Variants in IFT88 observed in about 807,000 individuals in gnomAD.
IFT88 encodes the protein intraflagellar transport 88, also known as intraflagellar transport protein 88 homolog.
A neutral mutation model predicts 119.5 loss-of-function variants in IFT88; 74 were observed. The observed-to-expected ratio is 0.62, with a 90% CI of 0.51 to 0.75. IFT88 has a LOEUF of 0.75. IFT88 is among the 30% of genes least tolerant of loss of function. IFT88 has a pLI of 0.00. For synonymous variants in IFT88, 279 were observed against 316.7 expected (o/e 0.88, Z 1.26); for missense variants, 961 against 977.7 (o/e 0.98, Z 0.23).
intron 20 of IFT88, among the ~76,000 whole-genome samples, chr13:20,647,053 C>T (rs2050865886): frequency 1.3e-5 from 2 of 152,252 alleles, no homozygotes; most frequent in African/African-American, 4.8e-5. Flanking sequence ...GTATTTCTCT[C>T]CCTCCTGTTT....
chr13:20,633,309 T>C (rs570627120), intron 16 of IFT88, among the ~76,000 whole-genome samples: 30 of 152,234 alleles, frequency 2.0e-4, no homozygotes, highest in South Asian at 1.4e-3. Context: ...AAGCACCTTC[T>C]TCACAAGGAG....
chr13:20,659,269 G>A (rs1000583115), intron 22 of IFT88, among the ~76,000 whole-genome samples: 1 of 152,146 alleles, frequency 6.6e-6, no homozygotes, highest in Admixed American at 6.5e-5. Flanking sequence ...CAAGGCCGGA[G>A]GATTGCTTGA....
chr13:20,672,341 A>G (rs781252230), intron 24 of IFT88, among the ~76,000 whole-genome samples: 48 of 152,160 alleles, frequency 3.2e-4, no homozygotes, highest in Non-Finnish European at 5.1e-4. Flanking sequence ...TTCAGGAGCC[A>G]TTACCCAGAG....
chr13:20,599,625 A>G, intron 11 of IFT88, 60 bp downstream of exon 11: 1 of 749,404 alleles, frequency 1.3e-6, no homozygotes, highest in Non-Finnish European at 2.3e-6. Flanking sequence ...AAACAAGATA[A>G]CTCTTCTGAC....
chr13:20,653,874 A>G lies in IFT88; in HGVS notation c.1950-2A>G. 1 of 1,530,276 alleles carries G rather than the reference A, an allele frequency of 6.5e-7. No individual in the cohort carries two copies. The highest frequency in any genetic ancestry group is 2.0e-5 in the Admixed American group (1 of 48,940). The allele number at this position is 1,530,276 out of a possible 1,614,324, so 94.8% of individuals were successfully genotyped here. On this transcript the variant is annotated splice_acceptor_variant, in intron 20 of 25. Coordinates refer to ENST00000351808, the MANE Select transcript of IFT88 (RefSeq NM_006531.5). LOFTEE classifies it high-confidence loss of function. ...ATTTCATCTCATTTATTTATTTTAT[A>G]GGCCTACACAAGTGAAATGGCAGCT...
rs886541018 is a variant in IFT88 at position 20,623,605 on chromosome 13, G to T, written c.1200-2145G>T. Among the ~76,000 whole-genome samples, 10 of 152,104 alleles carry T rather than the reference G, an allele frequency of 6.6e-5. 1 individual carries two copies. The highest frequency in any genetic ancestry group is 6.6e-4 in the Admixed American group (10 of 15,264). On this transcript the variant is annotated intron_variant, in intron 14 of 25. Transcript: ENST00000351808. The stretch of plus-strand genomic sequence containing the variant: ...TTCTCCTGCCTCAGCCTCCCAAGTA[G>T]CTGGGACTACGGGCACCCACCACCA...
intron 11 of IFT88, among the ~76,000 whole-genome samples, chr13:20,599,948 A>G (rs1420173048): frequency 6.6e-6 from 1 of 151,906 alleles, no homozygotes; most frequent in Non-Finnish European, 1.5e-5. Flanking sequence ...AAATAGAGAA[A>G]AGGATTACTT....
intron 13 of IFT88, chr13:20,607,459 C>T (rs1300390842): frequency 1.5e-6 from 1 of 671,628 alleles, no homozygotes; most frequent in Non-Finnish European, 2.8e-6. Context: ...CACTCATCCC[C>T]ATCATCAGCG....
At chr13:20,579,446 G>A (rs1039983364) in intron 2 of IFT88, among the ~76,000 whole-genome samples, 6 of 152,230 alleles carry the variant, frequency 3.9e-5, no homozygotes, top group African/African-American at 1.4e-4. Flanking sequence ...GACCCGCAGA[G>A]AGTACTACCA....
At chr13:20,672,328 A>G (rs1414588024) in intron 24 of IFT88, among the ~76,000 whole-genome samples, 1 of 152,136 alleles carries the variant, frequency 6.6e-6, no homozygotes, top group Non-Finnish European at 1.5e-5. Context: ...TGGCCTGTTT[A>G]TCTTCAGGAG....
chr13:20,647,734 A>G (rs894304211), intron 20 of IFT88, among the ~76,000 whole-genome samples: 2 of 152,164 alleles, frequency 1.3e-5, no homozygotes, highest in Non-Finnish European at 2.9e-5. Context: ...TATATGCATT[A>G]TGGGAATTCC....
chr13:20,605,242 G>A, intron 13 of IFT88, 137 bp downstream of exon 13: 1 of 421,020 alleles, frequency 2.4e-6, no homozygotes, highest in South Asian at 5.0e-5. Flanking sequence ...TGTGCATTCT[G>A]TTTCTTACAG....
chr13:20,652,705 A>G (rs1265763360), intron 20 of IFT88, among the ~76,000 whole-genome samples: 1 of 152,284 alleles, frequency 6.6e-6, no homozygotes, highest in East Asian at 1.9e-4. Context: ...CATTATACTT[A>G]CCTTTATAGA....
At chr13:20,640,609 A>AATAAATAAATAAATAC (rs1163717524) in intron 17 of IFT88, among the ~76,000 whole-genome samples, 10 of 143,604 alleles carry the variant, frequency 7.0e-5, no homozygotes, top group Non-Finnish European at 1.2e-4. Context: ...TAAATAAATA[A>AATAAATAAATAAATAC]ATACAAATTA....
rs773584486 is a variant in IFT88 at position 20,691,178 on chromosome 13, T to C, written c.*3T>C. On this transcript the variant is annotated 3_prime_UTR_variant, in exon 26 of 26. Coordinates refer to ENST00000351808, the MANE Select transcript of IFT88 (RefSeq NM_006531.5). ...GAGATGATTTGCTTCCAGAATAATA[T>C]TCACTTTAATATTTATTAAAGGAAA... 2.1e-5 allele frequency: 34 copies of C among 1,611,036 alleles called. No individual in the cohort carries two copies. In the East Asian group the frequency reaches 3.1e-4, roughly 15 times the overall value.
At chr13:20,669,044 A>T (rs1339333601) in intron 23 of IFT88, among the ~76,000 whole-genome samples, 1 of 152,128 alleles carries the variant, frequency 6.6e-6, no homozygotes, top group Non-Finnish European at 1.5e-5. Context: ...GTAGGAGAGG[A>T]AAAAGGGAAG....
chr13:20,608,444 C>T (rs948979191), intron 13 of IFT88, among the ~76,000 whole-genome samples: 2 of 152,152 alleles, frequency 1.3e-5, no homozygotes, highest in African/African-American at 2.4e-5. Flanking sequence ...ATCTTGGCCA[C>T]GTTGTACCTT....
chr13:20,615,597 A>G (rs921924442), intron 13 of IFT88, among the ~76,000 whole-genome samples, 196 bp from the exon 14 acceptor site: 1 of 152,200 alleles, frequency 6.6e-6, no homozygotes, highest in South Asian at 2.1e-4. Flanking sequence ...GCAGGCAATC[A>G]TGGCTTGCTA....
chr13:20,599,112 C>T (rs534867990), intron 10 of IFT88, among the ~76,000 whole-genome samples: 19 of 152,026 alleles, frequency 1.2e-4, no homozygotes, highest in Non-Finnish European at 2.2e-4. Flanking sequence ...ATCAGAATGT[C>T]GTTTCCTTTA....
Sources: allele counts gnomAD v4.1 joint callset (sites outside exome capture counted in the v4.1 genomes callset), GRCh38; gene constraint gnomAD v4.1.1; transcripts MANE v1.5; gene names NCBI Gene and HGNC (gene_info 2026-07-23, HGNC 2026-07-21).